Variants in TTC6 observed in about 807,000 individuals in gnomAD.
The protein encoded by TTC6 is tetratricopeptide repeat domain 6.
A neutral mutation model predicts 210.4 loss-of-function variants in TTC6; 172 were observed. The observed-to-expected ratio is 0.82, with a 90% CI of 0.72 to 0.93. TTC6 has a LOEUF of 0.93. Ranked by LOEUF, TTC6 falls within the 40% of genes least tolerant of loss-of-function variation. The probability of loss-of-function intolerance (pLI) is 0.00; values close to 1 mark genes in which losing one functional copy is unlikely to be tolerated. For synonymous variants in TTC6, 804 were observed against 819.6 expected (o/e 0.98, Z 0.32); for missense variants, 2,414 against 2,318.1 (o/e 1.04, Z -0.85).
rs751919428 is a variant in TTC6, at chr14:37,792,394, C to T, written c.3688C>T (p.Arg1230Trp). ...TTTATGTATTCAAAGCTATCTTTGT[C>T]GGGCGGAAACCTATTTTAAGGTATT... The change falls in exon 17 of 31, where the codon CGG (arginine) becomes TGG (tryptophan). Residue 1230 changes from arginine (R) to tryptophan (W), a missense_variant. Arg to Trp is a moderately radical substitution (Grantham distance 101). Transcript: ENST00000553443. 9.7e-5 allele frequency: 147 copies of T among 1,508,970 alleles called. 2 individuals carry two copies. Among genetic ancestry groups the T allele is most frequent in the South Asian group, 6.6e-4 (51 of 77,282 alleles). The allele number at this position is 1,508,970 out of a possible 1,614,324, so 93.5% of individuals were successfully genotyped here.
chr14:37,765,494 T>A (rs1367208702), intron 14 of TTC6, among the ~76,000 whole-genome samples: 2 of 152,138 alleles, frequency 1.3e-5, no homozygotes, highest in Non-Finnish European at 2.9e-5. Flanking sequence ...AATTACATCC[T>A]TATACATTGT....
chr14:37,767,272 G>A (rs1162721776), intron 14 of TTC6, among the ~76,000 whole-genome samples: 3 of 152,140 alleles, frequency 2.0e-5, no homozygotes, highest in East Asian at 3.8e-4. Context: ...GTGTGCCTGT[G>A]TCTTTATAGC....
intron 10 of TTC6, among the ~76,000 whole-genome samples, chr14:37,748,396 A>G (rs903219769): frequency 6.6e-6 from 1 of 152,210 alleles, no homozygotes; most frequent in Admixed American, 6.5e-5. Flanking sequence ...AATGAAGACT[A>G]TATTGCAAAG....
At chr14:37,830,306 A>G (rs1288727559) in intron 29 of TTC6, among the ~76,000 whole-genome samples, 1 of 152,064 alleles carries the variant, frequency 6.6e-6, no homozygotes, top group East Asian at 1.9e-4. Context: ...TTACCAAGGT[A>G]TTCCTTAGAG....
At chr14:37,694,256 G>C (rs953426339) in intron 3 of TTC6, among the ~76,000 whole-genome samples, 3 of 152,120 alleles carry the variant, frequency 2.0e-5, no homozygotes, top group Non-Finnish European at 4.4e-5. Flanking sequence ...AAACAACTCT[G>C]TAGGAAAAAA....
intron 2 of TTC6, 30 bp downstream of exon 4, chr14:37,680,291 C>T: frequency 7.2e-7 from 1 of 1,383,454 alleles, no homozygotes; most frequent in Non-Finnish European, 9.8e-7. Context: ...TCCTCCTTGC[C>T]TCTGTTAAAG....
intron 25 of TTC6, among the ~76,000 whole-genome samples, chr14:37,815,608 A>G (rs895231967): frequency 6.6e-6 from 1 of 152,050 alleles, no homozygotes; most frequent in Non-Finnish European, 1.5e-5. Flanking sequence ...TCTACATCTC[A>G]TATACCAGGG....
intron 2 of TTC6, 64 bp downstream of exon 4, chr14:37,680,325 G>A (rs1595096662): frequency 3.7e-6 from 4 of 1,078,424 alleles, no homozygotes; most frequent in Non-Finnish European, 5.3e-6. Flanking sequence ...CCTGTTGCTT[G>A]AATGTTTATA....
At chr14:37,837,767 G>T (rs549427036) in intron 29 of TTC6, among the ~76,000 whole-genome samples, 1 of 152,166 alleles carries the variant, frequency 6.6e-6, no homozygotes, top group African/African-American at 2.4e-5. Flanking sequence ...GAAGAGGCAG[G>T]ATGTAAACCC....
intron 23 of TTC6, among the ~76,000 whole-genome samples, chr14:37,808,274 T>A (rs2096122730): frequency 6.6e-6 from 1 of 152,126 alleles, no homozygotes; most frequent in South Asian, 2.1e-4. Flanking sequence ...CAGAAATGGG[T>A]GATATAAGGT....
chr14:37,841,878 A>G (rs1350361651), intron 30 of TTC6, among the ~76,000 whole-genome samples: 2 of 152,232 alleles, frequency 1.3e-5, no homozygotes, highest in Non-Finnish European at 2.9e-5. Flanking sequence ...GATATAGGGA[A>G]TTATTACAAA....
intron 1 of TTC6, among the ~76,000 whole-genome samples, chr14:37,648,567 C>T (rs1469341565): frequency 1.3e-5 from 2 of 152,032 alleles, no homozygotes; most frequent in Non-Finnish European, 2.9e-5. Flanking sequence ...TATCTATCCT[C>T]ATATGTTGGA....
chr14:37,781,992 G>C (rs1410458127), intron 14 of TTC6, among the ~76,000 whole-genome samples: 3 of 152,140 alleles, frequency 2.0e-5, no homozygotes, highest in African/African-American at 7.2e-5. Context: ...CTATATCTCT[G>C]TTTTGGTACC....
intron 14 of TTC6, among the ~76,000 whole-genome samples, chr14:37,772,022 G>A (rs150875403): frequency 0.029 from 4,419 of 152,114 alleles, 157 homozygotes; most frequent in African/African-American, 0.084. Context: ...TCCTTCTAAC[G>A]GACAGGACCC....
At chr14:37,812,536 A>G in intron 25 of TTC6, 103 bp downstream of exon 27, 1 of 1,136,372 alleles carries the variant, frequency 8.8e-7, no homozygotes, top group Non-Finnish European at 1.2e-6. Flanking sequence ...AATGAGTGGT[A>G]GCTCAACTTT....
Position 37,651,412 on chromosome 14 carries a change from T to TAC in TTC6, c.939+28410_939+28411insCA. ...TTATATATATATATATATATATATA[T>TAC]ATATATATATATATTTTTTTTTTTT... is the stretch of plus-strand genomic sequence containing the variant. On this transcript the variant is annotated intron_variant, in intron 1 of 30. Transcript: ENST00000553443. Among the ~76,000 whole-genome samples the TAC allele has an allele frequency of 7.6e-5, 2 of 26,164 alleles. 1 individual carries two copies. The highest frequency in any genetic ancestry group is 2.6e-3 in the East Asian group (2 of 768). The allele number at this position is 26,164 out of a possible 152,430, so 17.2% of individuals were successfully genotyped here.
chr14:37,731,693 C>T (rs554798999), intron 7 of TTC6, among the ~76,000 whole-genome samples: 1 of 152,276 alleles, frequency 6.6e-6, no homozygotes, highest in African/African-American at 2.4e-5. Context: ...TTAGTAAACA[C>T]TTTTACCTTA....
intron 7 of TTC6, among the ~76,000 whole-genome samples, chr14:37,728,637 G>C (rs1265187011): frequency 6.6e-6 from 1 of 151,906 alleles, no homozygotes; most frequent in Non-Finnish European, 1.5e-5. Context: ...TATTGTTTTT[G>C]TTTTGTTTTG....
At chr14:37,754,668 G>A (rs760809365) in intron 14 of TTC6, among the ~76,000 whole-genome samples, 21 of 152,012 alleles carry the variant, frequency 1.4e-4, no homozygotes, top group Non-Finnish European at 2.5e-4. Context: ...TCTGACCTTA[G>A]GTGATCCACC....
Sources: gnomAD v4.1 joint callset for allele counts (sites outside exome capture counted in the v4.1 genomes callset) on GRCh38, gnomAD v4.1.1 for gene constraint, MANE v1.5 for transcripts, NCBI Gene and HGNC (gene_info 2026-07-23, HGNC 2026-07-21) for gene names.